HS3ST4: variants seen among roughly 807,000 people sequenced by gnomAD.
HS3ST4 encodes heparan sulfate glucosamine 3-O-sulfotransferase 4.
Under a neutral mutation model 29.2 loss-of-function variants are expected in HS3ST4, and 17 were observed. The observed-to-expected ratio is 0.58, with a 90% CI of 0.40 to 0.87. HS3ST4 has a LOEUF of 0.87. HS3ST4 is among the 40% of genes least tolerant of loss of function. The pLI, the probability that HS3ST4 is intolerant of heterozygous loss-of-function variation, is 0.00. For synonymous variants in HS3ST4, 314 were observed against 285.7 expected (o/e 1.10, Z -1.00); for missense variants, 627 against 634.5 (o/e 0.99, Z 0.13).
chr16:25,719,091 G>A (rs1459117569), intron 1 of HS3ST4, among the ~76,000 whole-genome samples: 2 of 152,216 alleles, frequency 1.3e-5, no homozygotes, highest in Non-Finnish European at 2.9e-5. Flanking sequence ...TGTAGCTGGA[G>A]AAAGAGTTGA....
chr16:25,996,024 C>T (rs1969156105), intron 1 of HS3ST4, among the ~76,000 whole-genome samples: 2 of 148,412 alleles, frequency 1.3e-5, no homozygotes, highest in South Asian at 2.1e-4. Flanking sequence ...AAAAAGATAG[C>T]ATTTGTAGAT....
intron 1 of HS3ST4, among the ~76,000 whole-genome samples, chr16:25,793,878 T>C (rs1966875830): frequency 6.6e-6 from 1 of 152,054 alleles, no homozygotes; most frequent in Non-Finnish European, 1.5e-5. Flanking sequence ...TTTTTATTAC[T>C]TTATTTTTTC....
At chr16:26,129,298 C>G (rs969131408) in intron 1 of HS3ST4, among the ~76,000 whole-genome samples, 8 of 152,314 alleles carry the variant, frequency 5.3e-5, no homozygotes, top group Admixed American at 4.6e-4. Flanking sequence ...ACTTTGCCAC[C>G]TACAAGTGAC....
At chr16:26,082,092 G>A (rs1022089107) in intron 1 of HS3ST4, among the ~76,000 whole-genome samples, 1 of 152,198 alleles carries the variant, frequency 6.6e-6, no homozygotes, top group Admixed American at 6.5e-5. Flanking sequence ...ACCGGACACG[G>A]CCGGGAGTGC....
At chr16:25,697,923 G>A (rs1210369901) in intron 1 of HS3ST4, among the ~76,000 whole-genome samples, 1 of 151,846 alleles carries the variant, frequency 6.6e-6, no homozygotes, top group Non-Finnish European at 1.5e-5. Context: ...TGCCTGCCTC[G>A]GCCTCCCAAA....
intron 1 of HS3ST4, among the ~76,000 whole-genome samples, chr16:25,954,786 G>A (rs1968713020): frequency 6.6e-6 from 1 of 152,084 alleles, no homozygotes; most frequent in African/African-American, 2.4e-5. Context: ...TGGCTGGTAA[G>A]TATAATGGAA....
At chr16:25,842,873 T>C (rs1271780669) in intron 1 of HS3ST4, among the ~76,000 whole-genome samples, 2 of 152,178 alleles carry the variant, frequency 1.3e-5, no homozygotes, top group African/African-American at 4.8e-5. Context: ...ACCTTACTTT[T>C]TGCACCTATA....
chr16:26,122,626 G>A (rs1216133031), intron 1 of HS3ST4, among the ~76,000 whole-genome samples: 1 of 152,124 alleles, frequency 6.6e-6, no homozygotes, highest in Non-Finnish European at 1.5e-5. Flanking sequence ...TAGGATATAT[G>A]CCACACTGAA....
intron 1 of HS3ST4, among the ~76,000 whole-genome samples, chr16:25,734,123 AC>A (rs766764263): frequency 6.7e-5 from 10 of 148,406 alleles, no homozygotes; most frequent in Non-Finnish European, 1.0e-4. Flanking sequence ...TCTCAAAAAA[AC>A]AAAACAAAAC....
At chr16:26,101,718 G>T (rs1341101140) in intron 1 of HS3ST4, among the ~76,000 whole-genome samples, 1 of 152,196 alleles carries the variant, frequency 6.6e-6, no homozygotes, top group East Asian at 1.9e-4. Context: ...ATGGATGGAT[G>T]AACTTTTTCC....
intron 1 of HS3ST4, among the ~76,000 whole-genome samples, chr16:25,772,197 T>C (rs1195438196): frequency 6.6e-6 from 1 of 152,236 alleles, no homozygotes; most frequent in Non-Finnish European, 1.5e-5. Flanking sequence ...AAGATGGTAT[T>C]TGGGCTTCTC....
intron 1 of HS3ST4, among the ~76,000 whole-genome samples, chr16:26,061,656 G>A (rs1209686394): frequency 1.3e-5 from 2 of 152,202 alleles, no homozygotes; most frequent in Non-Finnish European, 2.9e-5. Flanking sequence ...CTTAGCTCAG[G>A]AATAGGAAAA....
rs1898290270 is a variant in HS3ST4 at position 26,136,868 on chromosome 16, ACACACACCCACC to A, written c.*628_*639del. ...TGCACATTCCTCACTGAAAAAGAAA[ACACACACCCACC>A]CACACACACACACACAGAAGAAAAT... On this transcript the variant is annotated 3_prime_UTR_variant, in exon 2 of 2. Coordinates refer to ENST00000331351, the MANE Select transcript of HS3ST4 (RefSeq NM_006040.3). 1 of 153,350 alleles carries A rather than the reference ACACACACCCACC, an allele frequency of 6.5e-6. No homozygotes were observed. Among genetic ancestry groups the A allele is most frequent in the Non-Finnish European group, 1.4e-5 (1 of 69,022 alleles). The allele number at this position is 153,350 out of a possible 1,614,324, so 9.5% of individuals were successfully genotyped here. A position where few individuals can be genotyped will look rare whatever the true frequency, so the allele number is the denominator to read the frequency against.
intron 1 of HS3ST4, among the ~76,000 whole-genome samples, chr16:25,895,145 GT>G: frequency 6.7e-6 from 1 of 149,892 alleles, no homozygotes. Context: ...GGCAGGATGT[GT>G]GTGTGTGTGT....
chr16:25,872,693 A>T (rs192216825), intron 1 of HS3ST4, among the ~76,000 whole-genome samples: 138 of 152,336 alleles, frequency 9.1e-4, no homozygotes, highest in Middle Eastern at 3.4e-3. Flanking sequence ...CACATTGCTC[A>T]TGCACCATCG....
At chr16:26,018,682 C>T (rs2141745221) in intron 1 of HS3ST4, among the ~76,000 whole-genome samples, 1 of 152,248 alleles carries the variant, frequency 6.6e-6, no homozygotes, top group African/African-American at 2.4e-5. Context: ...TTTAACATTA[C>T]ACCAAGGATC....
At chr16:25,866,979 TA>T (rs1967702459) in intron 1 of HS3ST4, among the ~76,000 whole-genome samples, 1 of 152,202 alleles carries the variant, frequency 6.6e-6, no homozygotes, top group Admixed American at 6.5e-5. Context: ...TTATATTCAC[TA>T]CTTTGTGAGT....
intron 1 of HS3ST4, among the ~76,000 whole-genome samples, chr16:25,714,465 GGT>G (rs568791528): frequency 1.0e-3 from 153 of 152,244 alleles, no homozygotes; most frequent in Middle Eastern, 6.8e-3. Context: ...TAGACTAGTT[GGT>G]GTGTTTAATC....
At chr16:25,766,706 A>C (rs1008459770) in intron 1 of HS3ST4, among the ~76,000 whole-genome samples, 1 of 152,238 alleles carries the variant, frequency 6.6e-6, no homozygotes, top group Admixed American at 6.5e-5. Flanking sequence ...CCCTGACTTC[A>C]TAAAGCTTAC....
Sources: allele counts gnomAD v4.1 joint callset (sites outside exome capture counted in the v4.1 genomes callset), GRCh38; gene constraint gnomAD v4.1.1; transcripts MANE v1.5; gene names NCBI Gene and HGNC (gene_info 2026-07-23, HGNC 2026-07-21).